ACER3: variants seen among roughly 807,000 people sequenced by gnomAD.
ACER3 encodes the protein alkaline ceramidase 3.
In ACER3, 16 loss-of-function variants were observed where a neutral mutation model predicts 48.9. The observed-to-expected ratio is 0.33, with a 90% CI of 0.22 to 0.50. The LOEUF (loss-of-function observed/expected upper bound fraction) is 0.50, where lower values mean the gene tolerates loss of function less well. Ranked by LOEUF, ACER3 falls within the 20% of genes least tolerant of loss-of-function variation. The probability of loss-of-function intolerance (pLI) is 0.98; values close to 1 mark genes in which losing one functional copy is unlikely to be tolerated. For synonymous variants in ACER3, 109 were observed against 107.8 expected (o/e 1.01, Z -0.07); for missense variants, 227 against 326.0 (o/e 0.70, Z 2.34).
intron 6 of ACER3, among the ~76,000 whole-genome samples, chr11:76,992,971 C>G (rs1243017653): frequency 6.6e-6 from 1 of 152,000 alleles, no homozygotes; most frequent in Non-Finnish European, 1.5e-5. Flanking sequence ...TGGGCTCAAG[C>G]AGTCCTCCCA....
intron 1 of ACER3, among the ~76,000 whole-genome samples, chr11:76,911,540 C>T (rs1414199780): frequency 6.6e-6 from 1 of 152,112 alleles, no homozygotes; most frequent in Non-Finnish European, 1.5e-5. Context: ...AATGCCTAAT[C>T]TCCTGAGAAT....
Position 76,966,206 on chromosome 11 carries a change from CAAAG to C in ACER3, c.267+7178_267+7181del, listed in dbSNP as rs1477058116. ...TTAAACCAACAAAGATCAAAAGAGA[CAAAG>C]AAGGCCATTACATAATGGTAAAGGC... On this transcript the variant is annotated intron_variant, in intron 3 of 10. Transcript: ENST00000532485. Among the ~76,000 whole-genome samples, 214 of 152,108 alleles carry C rather than the reference CAAAG, an allele frequency of 1.4e-3. 2 individuals carry two copies. The highest frequency in any genetic ancestry group is 4.9e-3 in the African/African-American group (202 of 41,370).
chr11:77,008,699 A>G (rs1478893487), intron 7 of ACER3, among the ~76,000 whole-genome samples: 1 of 152,232 alleles, frequency 6.6e-6, no homozygotes, highest in African/African-American at 2.4e-5. Flanking sequence ...GTAACAAAAC[A>G]CCTAGAAATT....
At chr11:76,936,819 G>A (rs1028391271) in intron 2 of ACER3, among the ~76,000 whole-genome samples, 11 of 151,798 alleles carry the variant, frequency 7.2e-5, no homozygotes, top group Middle Eastern at 3.4e-3. Context: ...CTGGGTTCAG[G>A]CAGTTCTCCT....
chr11:76,959,213 G>A, intron 3 of ACER3, 182 bp downstream of exon 3: 1 of 1,482,582 alleles, frequency 6.7e-7, no homozygotes. Flanking sequence ...GAGTCCATAA[G>A]GAAAACAAGT....
chr11:77,004,675 C>T (rs1670061800), intron 7 of ACER3, among the ~76,000 whole-genome samples: 1 of 152,200 alleles, frequency 6.6e-6, no homozygotes, highest in Admixed American at 6.5e-5. Context: ...TCCTCTCTGA[C>T]TCTGATAATC....
chr11:76,980,913 A>G (rs1370444295), intron 4 of ACER3, among the ~76,000 whole-genome samples: 4 of 152,236 alleles, frequency 2.6e-5, no homozygotes, highest in Non-Finnish European at 5.9e-5. Flanking sequence ...TATGCTATTC[A>G]TGTATCATGC....
intron 4 of ACER3, among the ~76,000 whole-genome samples, chr11:76,982,258 C>T (rs1230278079): frequency 6.7e-6 from 1 of 149,278 alleles, no homozygotes; most frequent in African/African-American, 2.5e-5. Context: ...CGCTCTGTCG[C>T]CACTCTGGAG....
intron 1 of ACER3, among the ~76,000 whole-genome samples, chr11:76,903,435 C>G (rs1483275818): frequency 6.4e-5 from 9 of 141,584 alleles, no homozygotes; most frequent in South Asian, 2.5e-4. Context: ...TGAATGGAAA[C>G]GCCCCTCCCA....
In ACER3 at chr11:76,868,389, CTCTGTGTGTGTGTGTGTG is replaced by C; in HGVS notation, c.103+7312_103+7329del. 6 of 187,160 alleles carry C rather than the reference CTCTGTGTGTGTGTGTGTG, an allele frequency of 3.2e-5. No individual in the cohort carries two copies. In the East Asian group the frequency reaches 4.8e-4, roughly 15 times the overall value. The allele number at this position is 187,160 out of a possible 1,614,324, so 11.6% of individuals were successfully genotyped here. A position where few individuals can be genotyped will look rare whatever the true frequency, so the allele number is the denominator to read the frequency against. On this transcript the variant is annotated intron_variant, in intron 1 of 10. Transcript: ENST00000532485. Reference sequence around the variant, plus strand: ...TTAGTTTTAATATCTCTCTCTCTCTCTCTGTGTGTGTGTGTGTGTGTGTGTGTGTGTGTGTGTGTGTGT... The same window carrying C: ...TTAGTTTTAATATCTCTCTCTCTCTCTGTGTGTGTGTGTGTGTGTGTGTGT...
chr11:76,895,359 G>A lies in ACER3; in HGVS notation c.104-31198G>A, dbSNP rs141202015. Among the ~76,000 whole-genome samples the A allele has an allele frequency of 9.9e-4, 151 of 152,204 alleles. 1 individual carries two copies. In the East Asian group the frequency reaches 0.025, roughly 25 times the overall value. ...CTTTCTTCATTCCCCTTGTACCCAGGTTCTCTATGTCACTAGCAGGAAACA... is the reference window on the plus strand; with the variant it reads ...CTTTCTTCATTCCCCTTGTACCCAGATTCTCTATGTCACTAGCAGGAAACA... On this transcript the variant is annotated intron_variant, in intron 1 of 10. Transcript: ENST00000532485.
intron 1 of ACER3, among the ~76,000 whole-genome samples, chr11:76,869,575 G>T (rs1388221002): frequency 6.6e-6 from 1 of 151,966 alleles, no homozygotes; most frequent in Admixed American, 6.6e-5. Context: ...CACACTGTTG[G>T]GCAATCAATT....
At chr11:76,979,229 T>C (rs1024792694) in intron 4 of ACER3, among the ~76,000 whole-genome samples, 1 of 152,264 alleles carries the variant, frequency 6.6e-6, no homozygotes, top group Non-Finnish European at 1.5e-5. Flanking sequence ...ATCTGACTTC[T>C]ACTTCCTAAT....
rs10676364 is a variant in ACER3 at position 76,875,107 on chromosome 11, C to CTTTTTTTTTTTTTTTTTTTTTTTT, written c.103+14031_103+14054dup. Among the ~76,000 whole-genome samples the CTTTTTTTTTTTTTTTTTTTTTTTT allele has an allele frequency of 5.1e-5, 4 of 78,160 alleles. 1 individual carries two copies. Among genetic ancestry groups the CTTTTTTTTTTTTTTTTTTTTTTTT allele is most frequent in the African/African-American group, 1.4e-4 (4 of 27,874 alleles). 51.3% of individuals were successfully genotyped at this position (78,160 alleles called of 152,430 possible). A position where few individuals can be genotyped will look rare whatever the true frequency, so the allele number is the denominator to read the frequency against. On this transcript the variant is annotated intron_variant, in intron 1 of 10. Coordinates refer to ENST00000532485, the MANE Select transcript of ACER3 (RefSeq NM_018367.7). ...TTCTAACATGGCATGAAAAGCACTT[C>CTTTTTTTTTTTTTTTTTTTTTTTT]TTTTTTTTTTTTTTTTTTTTTTTTT...
At chr11:76,883,700 C>G (rs1227980498) in intron 1 of ACER3, among the ~76,000 whole-genome samples, 1 of 152,058 alleles carries the variant, frequency 6.6e-6, no homozygotes, top group Admixed American at 6.5e-5. Flanking sequence ...CCACCTCGGC[C>G]CCAAAGTGCT....
At chr11:76,870,544 A>C (rs1297230290) in intron 1 of ACER3, among the ~76,000 whole-genome samples, 1 of 152,138 alleles carries the variant, frequency 6.6e-6, no homozygotes, top group East Asian at 1.9e-4. Flanking sequence ...CAAGACCCTA[A>C]AGGTGGAACT....
chr11:76,901,655 A>C (rs1176587912), intron 1 of ACER3, among the ~76,000 whole-genome samples: 2 of 152,038 alleles, frequency 1.3e-5, no homozygotes, highest in East Asian at 3.9e-4. Context: ...AGGGCTCACA[A>C]CTCTAAGGGG....
At chr11:76,982,196 T>C (rs1948598196) in intron 4 of ACER3, among the ~76,000 whole-genome samples, 1 of 151,882 alleles carries the variant, frequency 6.6e-6, no homozygotes, top group African/African-American at 2.4e-5. Flanking sequence ...AACTATCTAT[T>C]CAATCTATTC....
chr11:76,891,945 C>T (rs1471034306), intron 1 of ACER3, among the ~76,000 whole-genome samples: 1 of 152,198 alleles, frequency 6.6e-6, no homozygotes, highest in African/African-American at 2.4e-5. Context: ...TAGACTAACA[C>T]TCATGATTGT....
Sources: allele counts gnomAD v4.1 joint callset (sites outside exome capture counted in the v4.1 genomes callset), GRCh38; gene constraint gnomAD v4.1.1; transcripts MANE v1.5; gene names NCBI Gene and HGNC (gene_info 2026-07-23, HGNC 2026-07-21).